The following MGRN1 variants were observed in gnomAD, a reference collection of about 807,000 sequenced individuals.
The protein encoded by MGRN1 is E3 ubiquitin-protein ligase MGRN1.
Under a neutral mutation model 69.2 loss-of-function variants are expected in MGRN1, and 29 were observed. The ratio of observed to expected loss-of-function variants is 0.42; its 90% CI spans 0.31 to 0.57. The LOEUF (loss-of-function observed/expected upper bound fraction) is 0.57, where lower values mean the gene tolerates loss of function less well. Among genes scored for constraint, MGRN1 ranks in the 20% least tolerant of loss-of-function variants. MGRN1 has a pLI of 0.15. For synonymous variants in MGRN1, 470 were observed against 344.2 expected (o/e 1.37, Z -4.04); for missense variants, 998 against 796.2 (o/e 1.25, Z -3.05).
chr16:4,682,271 A>T (rs895363998), intron 13 of MGRN1, among the ~76,000 whole-genome samples: 1 of 152,224 alleles, frequency 6.6e-6, no homozygotes, highest in Non-Finnish European at 1.5e-5. Flanking sequence ...CGATGAGTGC[A>T]TCATCCATCA....
chr16:4,639,548 G>A (rs186215838), intron 1 of MGRN1, among the ~76,000 whole-genome samples: 1 of 152,334 alleles, frequency 6.6e-6, no homozygotes, highest in South Asian at 2.1e-4. Flanking sequence ...AGGCAGGACA[G>A]TTGTCTCCAA....
chr16:4,676,626 C>G lies in MGRN1; in HGVS notation c.956-837C>G, dbSNP rs114367748. ...GCCTGAGGCCCTGTCCCTGGGCTGA[C>G]GGCAGATGCATTGGTTTGTTGGAGG... On this transcript the variant is annotated intron_variant, in intron 10 of 16. Transcript: ENST00000262370. 3.7e-3 allele frequency among the ~76,000 whole-genome samples: 556 copies of G among 152,266 alleles called. 5 individuals carry two copies. The highest frequency in any genetic ancestry group is 0.013 in the African/African-American group (526 of 41,534).
intron 16 of MGRN1, chr16:4,686,304 G>A (rs1348734224): frequency 1.3e-6 from 2 of 1,544,978 alleles, no homozygotes; most frequent in Non-Finnish European, 1.7e-6. Context: ...GAGTAAGCCG[G>A]TACGTGACCT....
chr16:4,655,651 A>G (rs1596286481), intron 4 of MGRN1, among the ~76,000 whole-genome samples: 1 of 151,978 alleles, frequency 6.6e-6, no homozygotes, highest in East Asian at 1.9e-4. Flanking sequence ...CTCCAGTGCC[A>G]CTGTCCCCCT....
chr16:4,636,402 C>T lies in MGRN1; in HGVS notation c.88+11354C>T, dbSNP rs536646619. 1.5e-4 allele frequency among the ~76,000 whole-genome samples: 23 copies of T among 152,176 alleles called. No homozygotes were observed. In the East Asian group the frequency reaches 2.1e-3, roughly 14 times the overall value. ...GGTTTGTGAGCAGTGAGTGATCTGG[C>T]GTCTGCTGTGGGACCTTCCAGCGTC... On this transcript the variant is annotated intron_variant, in intron 1 of 16. Transcript: ENST00000262370.
At chr16:4,644,646 TTAGA>T (rs1178258423) in intron 1 of MGRN1, among the ~76,000 whole-genome samples, 12 of 152,288 alleles carry the variant, frequency 7.9e-5, no homozygotes, top group Admixed American at 6.5e-4. Context: ...ATAACATCAA[TTAGA>T]TAGGAATTAG....
chr16:4,675,454 G>A (rs1477651744), intron 10 of MGRN1, among the ~76,000 whole-genome samples: 4 of 152,076 alleles, frequency 2.6e-5, no homozygotes, highest in Admixed American at 1.3e-4. Context: ...TAAATTTTTA[G>A]CATAACGCTG....
At position 4,681,792 on chromosome 16, in the gene MGRN1, G is replaced by A; in HGVS notation, c.1358+16G>A. On this transcript the variant is annotated intron_variant, in intron 13 of 16. Transcript: ENST00000262370. ...CCCCCGACAGGTGAGCAGCAGCCAG[G>A]CCAGGTGCATGGCAGGGTGTGTGGT... is the stretch of plus-strand genomic sequence containing the variant. The A allele has an allele frequency of 6.2e-7, 1 of 1,605,710 alleles. No individual in the cohort carries two copies. The highest frequency in any genetic ancestry group is 1.1e-5 in the South Asian group (1 of 90,638).
chr16:4,659,634 C>T (rs1175074510), intron 5 of MGRN1, among the ~76,000 whole-genome samples: 3 of 152,246 alleles, frequency 2.0e-5, no homozygotes, highest in Admixed American at 6.5e-5. Context: ...CCGCGTGCAG[C>T]ATAGTGCTGG....
chr16:4,683,792 C>T (rs2079244253), intron 15 of MGRN1, 51 bp from the exon 16 acceptor site: 3 of 1,547,276 alleles, frequency 1.9e-6, no homozygotes, highest in Non-Finnish European at 2.7e-6. Context: ...GAGGGACCTG[C>T]CGGGACCTGG....
At chr16:4,686,245 C>T (rs1176451335) in intron 16 of MGRN1, 2 of 1,542,240 alleles carry the variant, frequency 1.3e-6, no homozygotes, top group African/African-American at 1.4e-5. Flanking sequence ...CTGTCTCTCC[C>T]CCTCTCCGCG....
intron 10 of MGRN1, among the ~76,000 whole-genome samples, chr16:4,674,954 TA>T (rs2079024498): frequency 6.6e-6 from 1 of 152,094 alleles, no homozygotes; most frequent in Non-Finnish European, 1.5e-5. Context: ...CACCGCTTTT[TA>T]ATTAATTACT....
intron 1 of MGRN1, among the ~76,000 whole-genome samples, chr16:4,646,660 C>T (rs533016349): frequency 2.0e-5 from 3 of 152,222 alleles, no homozygotes; most frequent in South Asian, 2.1e-4. Context: ...CTGTGGTCAT[C>T]ATTTCATGCG....
chr16:4,657,900 G>C (rs1567201727), intron 5 of MGRN1, among the ~76,000 whole-genome samples: 1 of 151,528 alleles, frequency 6.6e-6, no homozygotes. Flanking sequence ...CTGCCACCAC[G>C]CCCGGCTAAT....
At chr16:4,630,283 C>G (rs1104207) in intron 1 of MGRN1, among the ~76,000 whole-genome samples, 36,028 of 144,736 alleles carry the variant, frequency 0.25, 5,223 homozygotes, top group African/African-American at 0.41. Context: ...ACCCGGAGCG[C>G]GGCAGAGGTT....
At chr16:4,647,922 G>T (rs2078308348) in intron 1 of MGRN1, among the ~76,000 whole-genome samples, 1 of 152,116 alleles carries the variant, frequency 6.6e-6, no homozygotes, top group Admixed American at 6.5e-5. Context: ...CTCAGGAGGA[G>T]CACCCTGGAA....
At chr16:4,668,708 TCACACTCA>T (rs377667573) in intron 8 of MGRN1, among the ~76,000 whole-genome samples, 54 of 148,070 alleles carry the variant, frequency 3.6e-4, no homozygotes, top group African/African-American at 1.3e-3. Context: ...ACACATACAC[TCACACTCA>T]CTCACATATA....
At chr16:4,634,390 C>G (rs1898170831) in intron 1 of MGRN1, 1 of 152,526 alleles carries the variant, frequency 6.6e-6, no homozygotes, top group Admixed American at 6.5e-5. Flanking sequence ...GCCTGCCCAC[C>G]TCCCAGACCC....
Position 4,656,922 on chromosome 16 carries a change from T to C in MGRN1, c.444-324T>C, listed in dbSNP as rs200031520. Reference sequence around the variant, plus strand: ...ATAAATAAATAAATAAATAAATAAATAAATAAACAAACCAACTTAGCACCG... The same window carrying C: ...ATAAATAAATAAATAAATAAATAAACAAATAAACAAACCAACTTAGCACCG... On this transcript the variant is annotated intron_variant, in intron 4 of 16. Transcript: ENST00000262370. Among the ~76,000 whole-genome samples the C allele has an allele frequency of 7.0e-4, 73 of 104,376 alleles. 1 individual carries two copies. Among genetic ancestry groups the C allele is most frequent in the African/African-American group, 2.2e-3 (61 of 27,914 alleles). The allele number at this position is 104,376 out of a possible 152,430, so 68.5% of individuals were successfully genotyped here.
Sources: gnomAD v4.1 joint callset for allele counts (sites outside exome capture counted in the v4.1 genomes callset) on GRCh38, gnomAD v4.1.1 for gene constraint, MANE v1.5 for transcripts, NCBI Gene and HGNC (gene_info 2026-07-23, HGNC 2026-07-21) for gene names.